UPK1B: variants seen among roughly 807,000 people sequenced by gnomAD.
The protein encoded by UPK1B is uroplakin 1B.
In UPK1B, 28 loss-of-function variants were observed where a neutral mutation model predicts 34.2. That is an observed-to-expected ratio of 0.82 (90% CI 0.61 to 1.12). The LOEUF (loss-of-function observed/expected upper bound fraction) is 1.12, where lower values mean the gene tolerates loss of function less well. UPK1B is among the 50% of genes most tolerant of loss of function. The probability of loss-of-function intolerance (pLI) is 0.00; values close to 1 mark genes in which losing one functional copy is unlikely to be tolerated. For missense variants in UPK1B, 325 were observed against 320.9 expected (o/e 1.01, Z -0.10); for synonymous variants, 81 against 110.4 (o/e 0.73, Z 1.67).
chr3:119,190,691 G>A (rs9878996), intron 4 of UPK1B, among the ~76,000 whole-genome samples: 3 of 152,046 alleles, frequency 2.0e-5, no homozygotes, highest in East Asian at 1.9e-4. Flanking sequence ...CAGCTAAGAC[G>A]TGCTCTCAAT....
At chr3:119,199,535 C>A (rs1175497505) in intron 7 of UPK1B, among the ~76,000 whole-genome samples, 2 of 152,242 alleles carry the variant, frequency 1.3e-5, no homozygotes, top group African/African-American at 4.8e-5. Context: ...CTAATATGCC[C>A]AGATCCTTCT....
intron 1 of UPK1B, among the ~76,000 whole-genome samples, chr3:119,176,958 T>C (rs1358038983): frequency 6.6e-6 from 1 of 152,210 alleles, no homozygotes; most frequent in African/African-American, 2.4e-5. Flanking sequence ...ACGAGGTTTG[T>C]CTTTTTAGGT....
chr3:119,196,919 T>C (rs2107436947), intron 6 of UPK1B, among the ~76,000 whole-genome samples: 1 of 152,202 alleles, frequency 6.6e-6, no homozygotes, highest in African/African-American at 2.4e-5. Context: ...TCACAGCTTA[T>C]TGCAGCCTCA....
intron 3 of UPK1B, 129 bp from the exon 4 acceptor site, chr3:119,190,116 G>A: frequency 3.0e-6 from 2 of 661,892 alleles, no homozygotes; most frequent in Non-Finnish European, 2.6e-6. Context: ...GTCAATGAGG[G>A]TTTGTTGAAT....
chr3:119,175,009 T>TTTA (rs1559898828), intron 1 of UPK1B, among the ~76,000 whole-genome samples: 2 of 109,688 alleles, frequency 1.8e-5, no homozygotes, highest in African/African-American at 6.7e-5. Context: ...TTTCTTTTAT[T>TTTA]TTCTTTTTTT....
At chr3:119,186,839 C>T in intron 2 of UPK1B, 29 bp downstream of exon 2, 1 of 1,600,084 alleles carries the variant, frequency 6.2e-7, no homozygotes, top group South Asian at 1.1e-5. Flanking sequence ...CCAGGAAATT[C>T]TGCACTTCCT....
rs1052394508 is a variant in UPK1B, at chr3:119,182,125, C to A, written c.-28-4589C>A. On this transcript the variant is annotated intron_variant, in intron 1 of 7. Transcript: ENST00000264234. ...GTGCAGCTTGGTACCTGACTCTGGC[C>A]GCACCCCAAGCACAACTAGGAAGTG... Among the ~76,000 whole-genome samples the A allele has an allele frequency of 3.3e-5, 5 of 152,324 alleles. 1 individual carries two copies. The highest frequency in any genetic ancestry group is 3.9e-4 in the East Asian group (2 of 5,186).
At chr3:119,177,379 T>C (rs558076156) in intron 1 of UPK1B, among the ~76,000 whole-genome samples, 1 of 152,344 alleles carries the variant, frequency 6.6e-6, no homozygotes, top group African/African-American at 2.4e-5. Context: ...ACAAACCCCA[T>C]AGAAGGCTGG....
intron 1 of UPK1B, among the ~76,000 whole-genome samples, chr3:119,184,751 A>G (rs1486777253): frequency 6.6e-6 from 1 of 152,134 alleles, no homozygotes; most frequent in African/African-American, 2.4e-5. Flanking sequence ...TAATAAAAAT[A>G]AACTTCTTGA....
intron 1 of UPK1B, among the ~76,000 whole-genome samples, chr3:119,185,900 T>C (rs1294021501): frequency 6.6e-6 from 1 of 152,188 alleles, no homozygotes; most frequent in Non-Finnish European, 1.5e-5. Context: ...CCAAAGTCTA[T>C]ACATAGTTTC....
rs1253184362 is a variant in UPK1B, at chr3:119,191,094, T to C, written c.458T>C (p.Leu153Pro). The part of the protein sequence containing the change: ...NNGVTKTWDR[L>P]MLQDNCCGVN... ...GGAGTCACCAAAACCTGGGACAGGC[T>C]CATGCTCCAGGTAAGACCTGTGGTC... The change falls in exon 5 of 8, where the codon CTC becomes CCC. Residue 153 changes from leucine to proline, a missense_variant. Leu to Pro is a moderately conservative substitution (Grantham distance 98). Transcript: ENST00000264234. The C allele has an allele frequency of 6.2e-7, 1 of 1,613,808 alleles. No individual in the cohort carries two copies. The highest frequency in any genetic ancestry group is 1.3e-5 in the African/African-American group (1 of 74,896).
At chr3:119,178,738 C>T (rs1330767357) in intron 1 of UPK1B, among the ~76,000 whole-genome samples, 1 of 152,094 alleles carries the variant, frequency 6.6e-6, no homozygotes, top group Non-Finnish European at 1.5e-5. Context: ...TAGGAAATGA[C>T]TGGAATCATT....
intron 3 of UPK1B, among the ~76,000 whole-genome samples, chr3:119,188,182 A>T (rs2078028105): frequency 6.6e-6 from 1 of 152,198 alleles, no homozygotes; most frequent in East Asian, 1.9e-4. Flanking sequence ...GCTCCAGTAC[A>T]GAGAAGCCAA....
Position 119,194,366 on chromosome 3 carries a change from A to G in UPK1B, c.616A>G (p.Lys206Glu). The G allele has an allele frequency of 6.2e-7, 1 of 1,613,388 alleles. No individual in the cohort carries two copies. The highest frequency in any genetic ancestry group is 8.5e-7 in the Non-Finnish European group (1 of 1,179,810). Reference sequence around the variant, plus strand: ...AGAACCTCTCAACCTGGAGGCTTGTAAACTAGGCGTGCCTGGTTTTTATCA... The same window carrying G: ...AGAACCTCTCAACCTGGAGGCTTGTGAACTAGGCGTGCCTGGTTTTTATCA... ...LKEPLNLEACKLGVPGFYHNQ... is the reference protein window; with the variant it reads ...LKEPLNLEACELGVPGFYHNQ... Residue 206 changes from lysine to glutamate, a missense_variant, in exon 6 of 8, where the codon AAA (lysine) becomes GAA (glutamate). Lys to Glu is a moderately conservative substitution (Grantham distance 56). Transcript: ENST00000264234.
At chr3:119,176,883 A>G (rs965728791) in intron 1 of UPK1B, among the ~76,000 whole-genome samples, 3 of 152,236 alleles carry the variant, frequency 2.0e-5, no homozygotes, top group Admixed American at 1.3e-4. Flanking sequence ...AGGAAAGAGG[A>G]CACATCATAT....
rs1052906974 is a variant in UPK1B, at chr3:119,203,838, C to G, written c.733-79C>G. On this transcript the variant is annotated intron_variant, in intron 7 of 7. Coordinates refer to ENST00000264234, the MANE Select transcript of UPK1B (RefSeq NM_006952.4). The stretch of plus-strand genomic sequence containing the variant: ...TGTTGTCACCTAAGCCTGAATGAAC[C>G]TAACATCCACTTTTTCCAAGAATGA... The G allele has an allele frequency of 5.2e-5, 76 of 1,449,852 alleles. No homozygotes were observed. In the African/African-American group the frequency reaches 9.2e-4, roughly 18 times the overall value. 89.8% of individuals were successfully genotyped at this position (1,449,852 alleles called of 1,614,324 possible). A position where few individuals can be genotyped will look rare whatever the true frequency, so the allele number is the denominator to read the frequency against.
chr3:119,175,049 A>C (rs1371479214), intron 1 of UPK1B, among the ~76,000 whole-genome samples: 9 of 73,600 alleles, frequency 1.2e-4, no homozygotes, highest in Non-Finnish European at 2.2e-4. Context: ...TTTTTTTTTG[A>C]GACGGAGTCA....
At chr3:119,189,848 T>C (rs1156355495) in intron 3 of UPK1B, among the ~76,000 whole-genome samples, 3 of 152,248 alleles carry the variant, frequency 2.0e-5, no homozygotes, top group South Asian at 2.1e-4. Context: ...CTATACTGTA[T>C]GTGATACACT....
chr3:119,200,773 T>G (rs1191792875), intron 7 of UPK1B, among the ~76,000 whole-genome samples: 1 of 152,240 alleles, frequency 6.6e-6, no homozygotes, highest in Non-Finnish European at 1.5e-5. Context: ...TTGTAAATTT[T>G]CAAGAAAATA....
Sources: allele counts gnomAD v4.1 joint callset (sites outside exome capture counted in the v4.1 genomes callset), GRCh38; gene constraint gnomAD v4.1.1; transcripts MANE v1.5; gene names NCBI Gene and HGNC (gene_info 2026-07-23, HGNC 2026-07-21).